The following PRKG1 variants were observed in gnomAD, a reference collection of about 807,000 sequenced individuals.
The protein encoded by PRKG1 is protein kinase cGMP-dependent 1.
In PRKG1, 35 loss-of-function variants were observed where a neutral mutation model predicts 88.1. That is an observed-to-expected ratio of 0.40 (90% CI 0.30 to 0.53). The LOEUF is 0.53. Ranked by LOEUF, PRKG1 falls within the 20% of genes least tolerant of loss-of-function variation. The probability of loss-of-function intolerance (pLI) is 0.59; values close to 1 mark genes in which losing one functional copy is unlikely to be tolerated. For synonymous variants in PRKG1, 303 were observed against 292.5 expected (o/e 1.04, Z -0.37); for missense variants, 540 against 839.8 (o/e 0.64, Z 4.41).
At chr10:51,871,911 A>C (rs1841168649) in intron 4 of PRKG1, among the ~76,000 whole-genome samples, 2 of 152,206 alleles carry the variant, frequency 1.3e-5, no homozygotes, top group South Asian at 4.1e-4. Flanking sequence ...AAAACATTAC[A>C]TAGCAAATAC....
chr10:51,840,267 T>C (rs1464322604), intron 4 of PRKG1, among the ~76,000 whole-genome samples: 2 of 152,062 alleles, frequency 1.3e-5, no homozygotes, highest in Admixed American at 1.3e-4. Flanking sequence ...TTTGAAGCTA[T>C]TTGATTTTTT....
At chr10:51,524,463 G>A (rs1289141570) in intron 3 of PRKG1, among the ~76,000 whole-genome samples, 2 of 152,018 alleles carry the variant, frequency 1.3e-5, no homozygotes, top group Non-Finnish European at 2.9e-5. Flanking sequence ...TAAATGAAGG[G>A]GTATGTCTGT....
At chr10:51,173,242 A>G (rs1322689895) in intron 2 of PRKG1, among the ~76,000 whole-genome samples, 3 of 152,004 alleles carry the variant, frequency 2.0e-5, no homozygotes, top group African/African-American at 7.2e-5. Flanking sequence ...TTTTCCCTCT[A>G]TGAAATTTTT....
At chr10:51,657,417 A>G (rs1055729219) in intron 3 of PRKG1, among the ~76,000 whole-genome samples, 1 of 152,088 alleles carries the variant, frequency 6.6e-6, no homozygotes, top group African/African-American at 2.4e-5. Flanking sequence ...AATAACTCCA[A>G]TGACAATGTT....
chr10:51,185,739 A>C (rs1243882935), intron 2 of PRKG1, among the ~76,000 whole-genome samples: 1 of 151,822 alleles, frequency 6.6e-6, no homozygotes, highest in Non-Finnish European at 1.5e-5. Flanking sequence ...AGTATTCTAT[A>C]GTGTAAATAT....
intron 3 of PRKG1, among the ~76,000 whole-genome samples, chr10:51,634,878 G>A (rs1485053470): frequency 6.6e-6 from 1 of 152,090 alleles, no homozygotes; most frequent in Non-Finnish European, 1.5e-5. Flanking sequence ...TTGTAAGTGG[G>A]AGCTAAACAT....
At chr10:51,820,594 A>G (rs1839718472) in intron 4 of PRKG1, among the ~76,000 whole-genome samples, 1 of 152,082 alleles carries the variant, frequency 6.6e-6, no homozygotes. Flanking sequence ...ACCTTCACAC[A>G]TACCCTTGCT....
At chr10:51,096,239 T>C (rs1488295881) in intron 1 of PRKG1, among the ~76,000 whole-genome samples, 1 of 152,144 alleles carries the variant, frequency 6.6e-6, no homozygotes, top group South Asian at 2.1e-4. Flanking sequence ...TCCAGGACTC[T>C]GTGTAATGAG....
intron 1 of PRKG1, among the ~76,000 whole-genome samples, chr10:51,094,751 G>C (rs183097276): frequency 1.8e-4 from 28 of 152,298 alleles, no homozygotes; most frequent in African/African-American, 5.5e-4. Context: ...TTGTGACCAA[G>C]TGAGTTTTCT....
chr10:51,334,830 A>C (rs918178635), intron 2 of PRKG1, among the ~76,000 whole-genome samples: 4 of 152,076 alleles, frequency 2.6e-5, no homozygotes, highest in Non-Finnish European at 5.9e-5. Flanking sequence ...ATTAGAGGAG[A>C]GCAGAGGCAG....
rs143030426 is a variant in PRKG1, at chr10:51,119,092, T to G, written c.312-34072T>G. Among the ~76,000 whole-genome samples, 1,446 of 152,214 alleles carry G rather than the reference T, an allele frequency of 9.5e-3. 10 individuals are homozygous for G. Among genetic ancestry groups the G allele is most frequent in the Non-Finnish European group, 0.015 (986 of 67,960 alleles). On this transcript the variant is annotated intron_variant, in intron 1 of 17. Transcript: ENST00000373980. Reference sequence around the variant, plus strand: ...GCACTACCTCCAAAACGCAATAAATTTACTGTCTTAGTAGTTTGAAAATGT... The same window carrying G: ...GCACTACCTCCAAAACGCAATAAATGTACTGTCTTAGTAGTTTGAAAATGT...
intron 4 of PRKG1, among the ~76,000 whole-genome samples, chr10:51,881,175 G>T (rs546335311): frequency 1.1e-4 from 16 of 151,986 alleles, no homozygotes; most frequent in African/African-American, 3.6e-4. Flanking sequence ...CGCATGAAGG[G>T]GAGAGGGCTG....
intron 9 of PRKG1, among the ~76,000 whole-genome samples, chr10:52,244,783 T>TATATATTTAAATATATATTTAG (rs1462985563): frequency 0.47 from 59,237 of 125,282 alleles, 15,766 homozygotes; most frequent in Non-Finnish European, 0.6. Flanking sequence ...TATACCTTAA[T>TATATATTTAAATATATATTTAG]ATATATTTAA....
chr10:51,354,414 A>T (rs1034262239), intron 2 of PRKG1, among the ~76,000 whole-genome samples: 1 of 152,158 alleles, frequency 6.6e-6, no homozygotes, highest in African/African-American at 2.4e-5. Context: ...AAAAAATATC[A>T]TGTACCTTAT....
chr10:51,380,485 AT>A (rs1394009045), intron 2 of PRKG1, among the ~76,000 whole-genome samples: 1 of 152,158 alleles, frequency 6.6e-6, no homozygotes, highest in Non-Finnish European at 1.5e-5. Context: ...TCACATAGTA[AT>A]TAAAAGTTGT....
intron 4 of PRKG1, 96 bp from the exon 5 acceptor site, chr10:51,907,411 T>C: frequency 1.1e-6 from 1 of 925,326 alleles, no homozygotes; most frequent in Non-Finnish European, 1.6e-6. Flanking sequence ...TGTCATGAAA[T>C]AGTTTTGTAT....
At chr10:51,642,841 G>T (rs1381893550) in intron 3 of PRKG1, among the ~76,000 whole-genome samples, 1 of 152,166 alleles carries the variant, frequency 6.6e-6, no homozygotes, top group Non-Finnish European at 1.5e-5. Context: ...ACGCTGTCTG[G>T]AAACGCTGGA....
At chr10:51,671,008 C>G (rs1044840086) in intron 3 of PRKG1, among the ~76,000 whole-genome samples, 2 of 151,468 alleles carry the variant, frequency 1.3e-5, no homozygotes, top group African/African-American at 4.8e-5. Flanking sequence ...GTATTTTTAC[C>G]TATTTATTTT....
chr10:51,304,987 T>C (rs988828684), intron 2 of PRKG1, among the ~76,000 whole-genome samples: 1 of 152,136 alleles, frequency 6.6e-6, no homozygotes, highest in Non-Finnish European at 1.5e-5. Context: ...GGCCATTCTT[T>C]CTATGTGCTG....
Sources: allele counts gnomAD v4.1 joint callset (sites outside exome capture counted in the v4.1 genomes callset), GRCh38; gene constraint gnomAD v4.1.1; transcripts MANE v1.5; gene names NCBI Gene and HGNC (gene_info 2026-07-23, HGNC 2026-07-21).